The following FAM168A variants were observed in gnomAD, a reference collection of about 807,000 sequenced individuals.
The protein encoded by FAM168A is family with sequence similarity 168 member A.
A neutral mutation model predicts 28.5 loss-of-function variants in FAM168A; 3 were observed. That is an observed-to-expected ratio of 0.11 (90% confidence interval 0.05 to 0.27). FAM168A has a LOEUF of 0.27. Among genes scored for constraint, FAM168A ranks in the 10% least tolerant of loss-of-function variants. FAM168A has a pLI of 1.00. For missense variants in FAM168A, 222 were observed against 311.5 expected (o/e 0.71, Z 2.16); for synonymous variants, 122 against 124.2 (o/e 0.98, Z 0.12).
intron 1 of FAM168A, among the ~76,000 whole-genome samples, chr11:73,472,200 A>AAT (rs1237798754): frequency 6.6e-6 from 1 of 152,162 alleles, no homozygotes; most frequent in Non-Finnish European, 1.5e-5. Context: ...AGGGAGTGCT[A>AAT]AGGGCAGGTT....
At chr11:73,437,392 C>T (rs902072537) in intron 2 of FAM168A, among the ~76,000 whole-genome samples, 7 of 147,846 alleles carry the variant, frequency 4.7e-5, no homozygotes, top group Non-Finnish European at 7.4e-5. Context: ...CTACCACGCC[C>T]GGCCACTCTT....
intron 4 of FAM168A, among the ~76,000 whole-genome samples, chr11:73,419,637 GGTGA>G (rs1458738461): frequency 6.6e-6 from 1 of 152,162 alleles, no homozygotes; most frequent in African/African-American, 2.4e-5. Flanking sequence ...TTGTTGGCCA[GGTGA>G]GTATTTCCTT....
chr11:73,563,239 T>C (rs951617948), intron 1 of FAM168A, among the ~76,000 whole-genome samples: 8 of 152,200 alleles, frequency 5.3e-5, no homozygotes, highest in Non-Finnish European at 8.8e-5. Flanking sequence ...GAAGGCTCCA[T>C]CACATTTATT....
intron 1 of FAM168A, among the ~76,000 whole-genome samples, chr11:73,520,037 T>C (rs931145914): frequency 1.3e-5 from 2 of 151,810 alleles, no homozygotes; most frequent in Non-Finnish European, 2.9e-5. Context: ...CTTAAAATTA[T>C]AATTTTATTA....
intron 3 of FAM168A, among the ~76,000 whole-genome samples, chr11:73,421,154 A>G (rs1866786764): frequency 6.6e-6 from 1 of 152,118 alleles, no homozygotes. Flanking sequence ...AAACATTTAA[A>G]TAAGAGGCTA....
intron 2 of FAM168A, among the ~76,000 whole-genome samples, chr11:73,450,128 T>C (rs1867399956): frequency 6.6e-6 from 1 of 152,206 alleles, no homozygotes; most frequent in Non-Finnish European, 1.5e-5. Flanking sequence ...CATCCCTGTG[T>C]CCAGGGTTTA....
At chr11:73,531,791 A>G (rs1943516430) in intron 1 of FAM168A, among the ~76,000 whole-genome samples, 1 of 147,014 alleles carries the variant, frequency 6.8e-6, no homozygotes, top group African/African-American at 2.5e-5. Context: ...CAAAGCACAG[A>G]CCAAGTATCA....
intron 1 of FAM168A, among the ~76,000 whole-genome samples, chr11:73,472,373 G>T (rs73544729): frequency 0.082 from 12,482 of 152,270 alleles, 649 homozygotes; most frequent in Non-Finnish European, 0.11. Context: ...GCATTTTTGA[G>T]AAAGAGCTTA....
At chr11:73,565,447 C>T (rs540069774) in intron 1 of FAM168A, among the ~76,000 whole-genome samples, 116 of 152,236 alleles carry the variant, frequency 7.6e-4, no homozygotes, top group African/African-American at 2.7e-3. Flanking sequence ...GGGTTTGCAT[C>T]GGTAGGTAGG....
chr11:73,506,117 G>A (rs926855532), intron 1 of FAM168A, among the ~76,000 whole-genome samples: 1 of 152,024 alleles, frequency 6.6e-6, no homozygotes, highest in African/African-American at 2.4e-5. Flanking sequence ...CTGCAGGCAG[G>A]GCACAGAAAA....
At chr11:73,591,239 T>A (rs1447773514) in intron 1 of FAM168A, among the ~76,000 whole-genome samples, 1 of 152,270 alleles carries the variant, frequency 6.6e-6, no homozygotes, top group Non-Finnish European at 1.5e-5. Flanking sequence ...GCAAGGCAGA[T>A]CAGGTTTTTA....
At chr11:73,537,019 T>C (rs538559695) in intron 1 of FAM168A, among the ~76,000 whole-genome samples, 1 of 152,190 alleles carries the variant, frequency 6.6e-6, no homozygotes, top group Admixed American at 6.5e-5. Context: ...TCTCATGCCA[T>C]AGCATTTCCC....
chr11:73,491,567 A>T (rs970376436), intron 1 of FAM168A, among the ~76,000 whole-genome samples: 17 of 152,230 alleles, frequency 1.1e-4, no homozygotes, highest in African/African-American at 3.6e-4. Flanking sequence ...AACATATTCA[A>T]GGAGGATGCA....
At chr11:73,443,353 A>C (rs911584386) in intron 2 of FAM168A, among the ~76,000 whole-genome samples, 1 of 152,208 alleles carries the variant, frequency 6.6e-6, no homozygotes, top group Admixed American at 6.5e-5. Flanking sequence ...GGAAGACATA[A>C]TTCTTGCCCT....
At chr11:73,469,899 T>C (rs111750043) in intron 1 of FAM168A, among the ~76,000 whole-genome samples, 11 of 152,170 alleles carry the variant, frequency 7.2e-5, no homozygotes, top group African/African-American at 1.7e-4. Flanking sequence ...AAAGAGATCA[T>C]AGATTTTTTG....
intron 1 of FAM168A, among the ~76,000 whole-genome samples, chr11:73,548,695 T>G (rs1590847939): frequency 6.6e-6 from 1 of 152,288 alleles, no homozygotes; most frequent in Middle Eastern, 3.4e-3. Flanking sequence ...CACTGGAGTG[T>G]AGTGGTGCAA....
intron 1 of FAM168A, among the ~76,000 whole-genome samples, chr11:73,551,783 A>T (rs1943832402): frequency 6.6e-6 from 1 of 152,242 alleles, no homozygotes; most frequent in Admixed American, 6.5e-5. Flanking sequence ...AAAAATATGA[A>T]CATGCCAATT....
At chr11:73,462,981 T>G (rs1867675941) in intron 2 of FAM168A, among the ~76,000 whole-genome samples, 1 of 152,126 alleles carries the variant, frequency 6.6e-6, no homozygotes, top group Admixed American at 6.5e-5. Flanking sequence ...TATTTATTTA[T>G]TTTTTGAGAG....
chr11:73,528,801 A>G (rs1481070646), intron 1 of FAM168A, among the ~76,000 whole-genome samples: 1 of 152,054 alleles, frequency 6.6e-6, no homozygotes, highest in African/African-American at 2.4e-5. Context: ...AATCCTAAAT[A>G]CTTTACTGAG....
Sources: gnomAD v4.1 joint callset for allele counts (sites outside exome capture counted in the v4.1 genomes callset) on GRCh38, gnomAD v4.1.1 for gene constraint, MANE v1.5 for transcripts, NCBI Gene and HGNC (gene_info 2026-07-23, HGNC 2026-07-21) for gene names.